Variants in SOCS7 observed in about 807,000 individuals in gnomAD.
The protein encoded by SOCS7 is NAP-4.
Under a neutral mutation model 58.9 loss-of-function variants are expected in SOCS7, and 18 were observed. The observed-to-expected ratio is 0.31, with a 90% CI of 0.21 to 0.45. The LOEUF (loss-of-function observed/expected upper bound fraction) is 0.45. Among genes scored for constraint, SOCS7 ranks in the 20% least tolerant of loss-of-function variants. The pLI is 1.00. For missense variants in SOCS7, 667 were observed against 837.3 expected (o/e 0.80, Z 2.51); for synonymous variants, 388 against 364.3 (o/e 1.06, Z -0.74).
chr17:38,356,057 T>A (rs1555566768), intron 1 of SOCS7, among the ~76,000 whole-genome samples: 2 of 151,992 alleles, frequency 1.3e-5, no homozygotes, highest in Non-Finnish European at 2.9e-5. Flanking sequence ...CTCATTTTTT[T>A]ATTTTTTATT....
At chr17:38,374,198 C>T (rs1043442821) in intron 6 of SOCS7, among the ~76,000 whole-genome samples, 2 of 151,752 alleles carry the variant, frequency 1.3e-5, no homozygotes, top group Admixed American at 6.6e-5. Flanking sequence ...CCAGCCTGGG[C>T]GACCGAGTGA....
intron 7 of SOCS7, among the ~76,000 whole-genome samples, chr17:38,387,548 A>G (rs2038091658): frequency 1.4e-5 from 2 of 141,030 alleles, no homozygotes; most frequent in Non-Finnish European, 1.5e-5. Context: ...TATATAGTAT[A>G]TATATACACA....
chr17:38,394,718 T>C (rs994020597), intron 7 of SOCS7, among the ~76,000 whole-genome samples: 4 of 152,156 alleles, frequency 2.6e-5, no homozygotes, highest in Non-Finnish European at 5.9e-5. Context: ...TTTGGCATAA[T>C]TGGGCTACTC....
chr17:38,369,086 A>G (rs2037828757), intron 6 of SOCS7, among the ~76,000 whole-genome samples: 1 of 152,198 alleles, frequency 6.6e-6, no homozygotes, highest in Non-Finnish European at 1.5e-5. Context: ...ATTGTTTCTG[A>G]GGCTGGGTAA....
Position 38,402,511 on chromosome 17 carries a change from A to G in SOCS7, c.*3029A>G, listed in dbSNP as rs1472619000. On this transcript the variant is annotated 3_prime_UTR_variant, in exon 10 of 10. Transcript: ENST00000612932. ...CACTTTGGGAGGCTGAGGTGGGTGG[A>G]TCATGAGGTCGGGAGTTCAAGACCA... The G allele has an allele frequency of 2.0e-5, 3 of 152,394 alleles. No homozygotes were observed. The highest frequency in any genetic ancestry group is 4.4e-5 in the Non-Finnish European group (3 of 68,224). 9.4% of individuals were successfully genotyped at this position (152,394 alleles called of 1,614,324 possible).
Position 38,352,813 on chromosome 17 carries a change from C to T in SOCS7, c.761C>T (p.Pro254Leu). 1.3e-6 allele frequency: 2 copies of T among 1,556,618 alleles called. No individual in the cohort carries two copies. Among genetic ancestry groups the T allele is most frequent in the Non-Finnish European group, 1.7e-6 (2 of 1,150,882 alleles). Reference protein sequence around the residue: ...QQQQQQQQPPPPPPPPGPLRP... With the variant: ...QQQQQQQQPPLPPPPPGPLRP... ...CAGCAGCAGCAGCAGCAACCTCCCC[C>T]GCCCCCGCCTCCTCCCGGGCCCCTC... The change falls in exon 1 of 10, where the codon CCG becomes CTG. Residue 254 changes from proline to leucine, a missense_variant. Coordinates refer to ENST00000612932, the MANE Select transcript of SOCS7 (RefSeq NM_014598.4). This position sits in a 1 kb window ranked among gnomAD's most constrained non-coding sequence, Gnocchi z 5.5.
chr17:38,355,274 TC>T (rs2037620474), intron 1 of SOCS7, among the ~76,000 whole-genome samples: 2 of 152,194 alleles, frequency 1.3e-5, no homozygotes, highest in South Asian at 4.1e-4. Flanking sequence ...ACTGTCTTGT[TC>T]CTGTCCTTAT....
Position 38,352,257 on chromosome 17 carries a change from A to G in SOCS7, c.205A>G (p.Asn69Asp). 1.4e-6 allele frequency: 2 copies of G among 1,470,652 alleles called. No homozygotes were observed. The highest frequency in any genetic ancestry group is 1.3e-5 in the South Asian group (1 of 75,986). The allele number at this position is 1,470,652 out of a possible 1,614,324, so 91.1% of individuals were successfully genotyped here. A position where few individuals can be genotyped will look rare whatever the true frequency, so the allele number is the denominator to read the frequency against. The change falls in exon 1 of 10, where the codon AAC becomes GAC. Residue 69 changes from asparagine (N) to aspartate (D), a missense_variant. This residue lies in a region of SOCS7 where 154 missense variants were observed against 156.3 expected (regional missense o/e 0.98). Transcript: ENST00000612932. This position sits in a 1 kb window ranked among gnomAD's most constrained non-coding sequence, Gnocchi z 5.5. ...GCCGCCGCAGCTGATGGTGTTCCGC[A>G]ACGTGGGTCGGCCGCCGGAGGAGGA... ...SRPPQLMVFR[N>D]VGRPPEEEDV...
At chr17:38,393,009 T>C (rs1380111829) in intron 7 of SOCS7, among the ~76,000 whole-genome samples, 8 of 151,298 alleles carry the variant, frequency 5.3e-5, no homozygotes, top group Non-Finnish European at 1.2e-4. Flanking sequence ...TTATCATTAT[T>C]ATTTTTGTTT....
At chr17:38,366,126 GC>G in intron 4 of SOCS7, 160 bp from the exon 5 acceptor site, 1 of 1,264,156 alleles carries the variant, frequency 7.9e-7, no homozygotes, top group Non-Finnish European at 1.1e-6. Context: ...TTTTGTTCCA[GC>G]CCATCCAGCT....
chr17:38,366,200 T>TTAGCATCC, intron 4 of SOCS7, 87 bp from the exon 5 acceptor site: 1 of 1,547,152 alleles, frequency 6.5e-7, no homozygotes, highest in Non-Finnish European at 8.8e-7. Context: ...CCCTCTTCAG[T>TTAGCATCC]TAGCATCCTC....
chr17:38,364,801 C>T lies in SOCS7; in HGVS notation c.1095C>T (p.Thr365=). ...VDVDISQRGL[T]SPHPPTPPPP... ...TGGACATTTCTCAGCGGGGCCTGAC[C>T]TCTCCACACCCTCCAACTCCCCCTC... Residue 365 remains threonine (T), a synonymous_variant, in exon 3 of 10, where the codon ACC becomes ACT. Transcript: ENST00000612932. 1 of 1,614,082 alleles carries T rather than the reference C, an allele frequency of 6.2e-7. No homozygotes were observed. The highest frequency in any genetic ancestry group is 1.3e-5 in the African/African-American group (1 of 75,016).
chr17:38,367,926 G>A lies in SOCS7; in HGVS notation c.1428G>A (p.Met476Ile). The change falls in exon 6 of 10, where the codon ATG (methionine) becomes ATA (isoleucine). Residue 476 changes from methionine to isoleucine, a missense_variant. Coordinates refer to ENST00000612932, the MANE Select transcript of SOCS7 (RefSeq NM_014598.4). Reference protein sequence around the residue: ...WGPMNWEDAEMKLKGKPDGSF... With the variant: ...WGPMNWEDAEIKLKGKPDGSF... ...CAATGAATTGGGAAGATGCAGAGAT[G>A]AAGCTGAAAGGGAAACCAGATGGTT... is the stretch of plus-strand genomic sequence containing the variant. 6.2e-7 allele frequency: 1 copy of A among 1,614,218 alleles called. No homozygotes were observed. Among genetic ancestry groups the A allele is most frequent in the Non-Finnish European group, 8.5e-7 (1 of 1,180,048 alleles).
At chr17:38,367,517 G>A (rs1252293144) in intron 5 of SOCS7, among the ~76,000 whole-genome samples, 4 of 151,704 alleles carry the variant, frequency 2.6e-5, no homozygotes, top group African/African-American at 4.9e-5. Flanking sequence ...GGGATTACAG[G>A]CATGTGCCAC....
intron 9 of SOCS7, among the ~76,000 whole-genome samples, chr17:38,398,444 C>G (rs561301454): frequency 5.3e-5 from 8 of 151,914 alleles, no homozygotes; most frequent in Non-Finnish European, 7.4e-5. Context: ...GGTTTCACCA[C>G]GTTTGTCAGT....
At chr17:38,389,628 C>CT (rs2038123970) in intron 7 of SOCS7, among the ~76,000 whole-genome samples, 1 of 146,150 alleles carries the variant, frequency 6.8e-6, no homozygotes, top group Non-Finnish European at 1.5e-5. Context: ...TGTGGGTTGT[C>CT]TTTTTACTTT....
Position 38,356,911 on chromosome 17 carries a change from T to G in SOCS7, c.980+3879T>G, listed in dbSNP as rs192773018. On this transcript the variant is annotated intron_variant, in intron 1 of 9. Transcript: ENST00000612932. ...GCCTTCCTTTGGATTTGGTGAGAGA[T>G]CTAATTTGATCTGACCATTTTGAAT... Among the ~76,000 whole-genome samples, 261 of 152,308 alleles carry G rather than the reference T, an allele frequency of 1.7e-3. 1 individual carries two copies. Among genetic ancestry groups the G allele is most frequent in the African/African-American group, 5.9e-3 (244 of 41,574 alleles).
chr17:38,353,244 T>G (rs951138068), intron 1 of SOCS7, among the ~76,000 whole-genome samples: 8 of 152,206 alleles, frequency 5.3e-5, no homozygotes, highest in African/African-American at 1.7e-4. Context: ...GTGACACTTC[T>G]CAGCTGGTTT....
chr17:38,364,867 T>C lies in SOCS7; in HGVS notation c.1150+11T>C. ...GCCTCAGCCTCCTAGGTATAGTTTC[T>C]TCCCCTCTCCACCTTCTTGCCTAGT... On this transcript the variant is annotated intron_variant, in intron 3 of 9. Coordinates refer to ENST00000612932, the MANE Select transcript of SOCS7 (RefSeq NM_014598.4). 6.2e-7 allele frequency: 1 copy of C among 1,602,422 alleles called. No individual in the cohort carries two copies. The highest frequency in any genetic ancestry group is 8.5e-7 in the Non-Finnish European group (1 of 1,169,906).
Sources: gnomAD v4.1 joint callset for allele counts (sites outside exome capture counted in the v4.1 genomes callset) on GRCh38, gnomAD v4.1.1 for gene constraint, gnomAD v4.1.1 regional missense constraint, Gnocchi (gnomAD v3.1) non-coding constraint, MANE v1.5 for transcripts, NCBI Gene and HGNC (gene_info 2026-07-23, HGNC 2026-07-21) for gene names.